ZKSCAN2: variants seen among roughly 807,000 people sequenced by gnomAD.
ZKSCAN2 encodes the protein zinc finger with KRAB and SCAN domains 2.
ZKSCAN2 carries 38 observed loss-of-function variants against 90.5 expected under a neutral mutation model. The observed-to-expected ratio is 0.42, with a 90% CI of 0.32 to 0.55. ZKSCAN2 has a LOEUF of 0.55. Ranked by LOEUF, ZKSCAN2 falls within the 20% of genes least tolerant of loss-of-function variation. The pLI is 0.11. For synonymous variants in ZKSCAN2, 429 were observed against 421.6 expected (o/e 1.02, Z -0.22); for missense variants, 1,167 against 1,202.6 (o/e 0.97, Z 0.44).
In ZKSCAN2 at chr16:25,247,308, G is replaced by GT. The variant is rs1962948972; in HGVS notation, c.887dup (p.Asn296LysfsTer41). On this transcript the variant is annotated frameshift_variant, in exon 5 of 7. Coordinates refer to ENST00000328086, the MANE Select transcript of ZKSCAN2 (RefSeq NM_001012981.5). LOFTEE classifies it high-confidence loss of function. ...AGTTGCTTCGTAGGATACTTCTCTT[G>GT]TTAGAGGAATGCAGACCTAGAGTCC... is the stretch of plus-strand genomic sequence containing the variant. The GT allele has an allele frequency of 6.2e-7, 1 of 1,613,906 alleles. No homozygotes were observed. Among genetic ancestry groups the GT allele is most frequent in the Non-Finnish European group, 8.5e-7 (1 of 1,180,020 alleles).
At chr16:25,251,781 G>A (rs975282361) in intron 4 of ZKSCAN2, 128 bp downstream of exon 4, 2 of 1,074,508 alleles carry the variant, frequency 1.9e-6, no homozygotes, top group African/African-American at 3.2e-5. Context: ...CTGGCTAAGT[G>A]ATTACACTAG....
chr16:25,242,879 T>C (rs892769270), intron 6 of ZKSCAN2, among the ~76,000 whole-genome samples: 1 of 152,176 alleles, frequency 6.6e-6, no homozygotes, highest in African/African-American at 2.4e-5. Context: ...CAGTGGCTAA[T>C]GGTAACTGAA....
chr16:25,240,644 T>A lies in ZKSCAN2; in HGVS notation c.2076A>T (p.Arg692Ser). The A allele has an allele frequency of 6.2e-7, 1 of 1,614,184 alleles. No homozygotes were observed. Among genetic ancestry groups the A allele is most frequent in the Non-Finnish European group, 8.5e-7 (1 of 1,180,012 alleles). Residue 692 changes from arginine to serine, a missense_variant, in exon 7 of 7, where the codon AGA becomes AGT. Physicochemically the swap from Arg to Ser is moderately radical, Grantham distance 110 (BLOSUM62 -1). Coordinates refer to ENST00000328086, the MANE Select transcript of ZKSCAN2 (RefSeq NM_001012981.5). ...QHRALIEKSKRVVSQSTDPSK... is the reference protein window; with the variant it reads ...QHRALIEKSKSVVSQSTDPSK... The stretch of plus-strand genomic sequence containing the variant: ...TGGGGTCGGTACTCTGGGAAACAAC[T>A]CTTTTAGACTTTTCTATTAATGCCC...
chr16:25,253,356 T>A (rs1963048991), intron 2 of ZKSCAN2, among the ~76,000 whole-genome samples: 1 of 152,132 alleles, frequency 6.6e-6, no homozygotes, highest in South Asian at 2.1e-4. Context: ...AGTGTGAGAC[T>A]ATGGCTGTGG....
At chr16:25,252,330 G>T (rs939995089) in intron 3 of ZKSCAN2, among the ~76,000 whole-genome samples, 2 of 152,034 alleles carry the variant, frequency 1.3e-5, no homozygotes, top group East Asian at 1.9e-4. Context: ...AGTAAGTAAA[G>T]TAAGTATATT....
chr16:25,244,808 A>G (rs1962909664), intron 5 of ZKSCAN2, among the ~76,000 whole-genome samples: 1 of 152,262 alleles, frequency 6.6e-6, no homozygotes, highest in African/African-American at 2.4e-5. Flanking sequence ...TTTGGATGTC[A>G]TTGAATCCTC....
chr16:25,246,613 A>G, intron 5 of ZKSCAN2, 94 bp downstream of exon 5: 1 of 1,319,182 alleles, frequency 7.6e-7, no homozygotes, highest in Non-Finnish European at 1.1e-6. Context: ...TGTGTGTGAC[A>G]GCACCCCCCG....
intron 6 of ZKSCAN2, among the ~76,000 whole-genome samples, chr16:25,241,366 A>G (rs1597639472): frequency 6.6e-6 from 1 of 152,010 alleles, no homozygotes; most frequent in South Asian, 2.1e-4. Context: ...AGAGAGCATG[A>G]CATGGTGAAC....
intron 2 of ZKSCAN2, among the ~76,000 whole-genome samples, chr16:25,254,962 A>ATT (rs34441096): frequency 5.5e-5 from 8 of 145,364 alleles, no homozygotes; most frequent in African/African-American, 1.2e-4. Context: ...CCTGGCTAAT[A>ATT]TTTTTTTTTT....
At position 25,243,928 on chromosome 16, in the gene ZKSCAN2, G is replaced by A. The variant is rs369024502; in HGVS notation, c.1838C>T (p.Pro613Leu). 6.2e-7 allele frequency: 1 copy of A among 1,613,974 alleles called. No homozygotes were observed. Among genetic ancestry groups the A allele is most frequent in the Non-Finnish European group, 8.5e-7 (1 of 1,180,034 alleles). Residue 613 changes from proline (P) to leucine (L), a missense_variant, in exon 6 of 7, where the codon CCC becomes CTC. Pro to Leu is a moderately conservative substitution (Grantham distance 98). Coordinates refer to ENST00000328086, the MANE Select transcript of ZKSCAN2 (RefSeq NM_001012981.5). Reference protein sequence around the residue: ...RQERGGIEVEPQEPTGWEPEE... With the variant: ...RQERGGIEVELQEPTGWEPEE... ...AGGTTCCCAGCCTGTAGGTTCCTGG[G>A]GTTCAACCTCAATACCCCCTCTTTC...
At position 25,246,884 on chromosome 16, in the gene ZKSCAN2, G is replaced by A. The variant is rs1962941675; in HGVS notation, c.1312C>T (p.Pro438Ser). 2 of 1,614,126 alleles carry A rather than the reference G, an allele frequency of 1.2e-6. No individual in the cohort carries two copies. Among genetic ancestry groups the A allele is most frequent in the Non-Finnish European group, 1.7e-6 (2 of 1,180,028 alleles). The change falls in exon 5 of 7, where the codon CCA becomes TCA. Residue 438 changes from proline to serine, a missense_variant. By Grantham distance (74) the Pro-to-Ser change is moderately conservative (BLOSUM62 -1). Transcript: ENST00000328086. ...CTGGGGACAGGTATCATCTCCTTTG[G>A]TTTATCAGTGGACGGAGCACGGGCT... ...PAARAPSTDK[P>S]KEMIPVPRLK...
Position 25,246,728 on chromosome 16 carries a change from CA to C in ZKSCAN2, c.1467del (p.Val490SerfsTer45), listed in dbSNP as rs1413140966. 2 of 1,614,194 alleles carry C rather than the reference CA, an allele frequency of 1.2e-6. No individual in the cohort carries two copies. The highest frequency in any genetic ancestry group is 1.7e-6 in the Non-Finnish European group (2 of 1,180,018). On this transcript the variant is annotated frameshift_variant, in exon 5 of 7. Transcript: ENST00000328086. LOFTEE classifies it high-confidence loss of function. ...TTACCACTGAGATTCTGAAACAAGA[CA>C]GGGGCACCATGGATTTCAGACTTGC... The part of the protein sequence containing the change: ...FIRKSEIHGA[P>X]VLFQNLSGVH...
chr16:25,240,461 A>G lies in ZKSCAN2; in HGVS notation c.2259T>C (p.Tyr753=), dbSNP rs753939741. 16 of 1,614,018 alleles carry G rather than the reference A, an allele frequency of 9.9e-6. No homozygotes were observed. The African/African-American group carries it at 1.7e-4, about 18-fold the overall frequency. The change falls in exon 7 of 7, where the codon TAT becomes TAC. Residue 753 remains tyrosine (Y), a synonymous_variant. Transcript: ENST00000328086. ...VGKRPYRLLK[Y]GESFGRSTRL... is the part of the protein sequence containing the mutation. ...GAGTGCTCCTTCCAAAGCTTTCTCC[A>G]TATTTGAGAAGTCTGTAGGGTCTCT...
intron 2 of ZKSCAN2, among the ~76,000 whole-genome samples, chr16:25,253,745 C>T (rs1465117775): frequency 1.3e-5 from 2 of 152,224 alleles, no homozygotes; most frequent in Admixed American, 6.5e-5. Flanking sequence ...TGGTGGCTCA[C>T]GCCTGTAATC....
intron 5 of ZKSCAN2, chr16:25,246,173 T>C (rs1224121002): frequency 6.5e-6 from 1 of 153,776 alleles, no homozygotes. Flanking sequence ...TTGTAATTAA[T>C]TATATATTTG....
At chr16:25,243,362 C>T (rs956190463) in intron 6 of ZKSCAN2, among the ~76,000 whole-genome samples, 5 of 152,186 alleles carry the variant, frequency 3.3e-5, no homozygotes, top group African/African-American at 1.2e-4. Context: ...GAGTCTCACT[C>T]TATCACCCAG....
Position 25,255,274 on chromosome 16 carries a change from C to T in ZKSCAN2, c.518G>A (p.Gly173Glu), listed in dbSNP as rs1597647772. The T allele has an allele frequency of 6.2e-7, 1 of 1,613,632 alleles. No homozygotes were observed. Among genetic ancestry groups the T allele is most frequent in the African/African-American group, 1.3e-5 (1 of 74,984 alleles). ...QPRAVSREEP[G>E]SLHSGHQEQL... ...TTCCTGGTGTCCTGAGTGGAGGCTT[C>T]CAGGTTCCTCCCGAGACACCGCCCT... The change falls in exon 2 of 7, where the codon GGA becomes GAA. Residue 173 changes from glycine (G) to glutamate (E), a missense_variant. By Grantham distance (98) the Gly-to-Glu change is moderately conservative. Transcript: ENST00000328086.
intron 3 of ZKSCAN2, 67 bp from the exon 4 acceptor site, chr16:25,252,102 CAGATG>C (rs1780064981): frequency 8.2e-6 from 13 of 1,576,208 alleles, no homozygotes; most frequent in Non-Finnish European, 1.0e-5. Flanking sequence ...TGAGCAATCA[CAGATG>C]AGGCAGAGAA....
chr16:25,247,985 A>G (rs1962960956), intron 4 of ZKSCAN2, among the ~76,000 whole-genome samples: 1 of 152,216 alleles, frequency 6.6e-6, no homozygotes, highest in African/African-American at 2.4e-5. Flanking sequence ...AGTGCCAAGA[A>G]CACATCACTG....
Sources: gnomAD v4.1 joint callset for allele counts (sites outside exome capture counted in the v4.1 genomes callset) on GRCh38, gnomAD v4.1.1 for gene constraint, MANE v1.5 for transcripts, NCBI Gene and HGNC (gene_info 2026-07-23, HGNC 2026-07-21) for gene names.